Variants in MCU observed in about 807,000 individuals in gnomAD.
MCU encodes mitochondrial calcium uniporter.
MCU carries 12 observed loss-of-function variants against 45.2 expected under a neutral mutation model. The ratio of observed to expected loss-of-function variants is 0.27; its 90% confidence interval spans 0.17 to 0.43. The LOEUF is 0.43. Ranked by LOEUF, MCU falls within the 20% of genes least tolerant of loss-of-function variation. The pLI is 1.00. For missense variants in MCU, 324 were observed against 436.7 expected (o/e 0.74, Z 2.30); for synonymous variants, 160 against 165.1 (o/e 0.97, Z 0.24).
chr10:72,695,252 T>C (rs569801727), intron 1 of MCU, among the ~76,000 whole-genome samples: 2 of 152,372 alleles, frequency 1.3e-5, no homozygotes, highest in South Asian at 4.1e-4. Context: ...AGTCTGTCAT[T>C]GTCCTGTTAC....
chr10:72,869,587 AAAAC>A lies in MCU; in HGVS notation c.657+736_657+739del, dbSNP rs1220795706. On this transcript the variant is annotated intron_variant, in intron 5 of 7. Transcript: ENST00000373053. ...TGGACGACAGAGCGAGACTGTCTCA[AAAAC>A]AAACAAACAAAAAAACAACAACAAC... 1.6e-4 allele frequency among the ~76,000 whole-genome samples: 24 copies of A among 152,330 alleles called. No homozygotes were observed. In the East Asian group the frequency reaches 2.5e-3, roughly 16 times the overall value.
chr10:72,741,896 C>T (rs1352090220), intron 1 of MCU, among the ~76,000 whole-genome samples: 5 of 151,710 alleles, frequency 3.3e-5, no homozygotes, highest in Non-Finnish European at 5.9e-5. Flanking sequence ...GGCATGGTGG[C>T]GGGCGCCTGT....
intron 1 of MCU, among the ~76,000 whole-genome samples, chr10:72,704,592 T>C (rs1342555449): frequency 6.6e-6 from 1 of 152,026 alleles, no homozygotes; most frequent in Non-Finnish European, 1.5e-5. Flanking sequence ...AGGCCGGAGT[T>C]CATGGCACCA....
intron 2 of MCU, among the ~76,000 whole-genome samples, chr10:72,839,675 C>G (rs768091741): frequency 1.3e-5 from 2 of 151,626 alleles, no homozygotes; most frequent in Non-Finnish European, 2.9e-5. Flanking sequence ...TGCTGGTGGC[C>G]GGGCACAGTG....
intron 1 of MCU, among the ~76,000 whole-genome samples, chr10:72,800,076 A>G (rs920702032): frequency 3.3e-5 from 5 of 152,188 alleles, no homozygotes; most frequent in African/African-American, 1.2e-4. Context: ...ACCTCATGTA[A>G]CATGCTGCAG....
chr10:72,839,574 T>C (rs1358664180), intron 2 of MCU, among the ~76,000 whole-genome samples: 2 of 152,064 alleles, frequency 1.3e-5, no homozygotes, highest in Non-Finnish European at 2.9e-5. Context: ...TGCTGGGTAG[T>C]ATTCCGGTAT....
At chr10:72,844,825 A>C (rs1241728583) in intron 2 of MCU, among the ~76,000 whole-genome samples, 1 of 152,216 alleles carries the variant, frequency 6.6e-6, no homozygotes, top group African/African-American at 2.4e-5. Flanking sequence ...ATTTATTGAG[A>C]ATAATAAACT....
intron 1 of MCU, among the ~76,000 whole-genome samples, chr10:72,717,613 G>A (rs1842970719): frequency 6.6e-6 from 1 of 152,060 alleles, no homozygotes; most frequent in Non-Finnish European, 1.5e-5. Context: ...CAGAAAGGTT[G>A]GCTTAGATGG....
intron 1 of MCU, chr10:72,736,358 C>T (rs1479199255): frequency 6.6e-6 from 1 of 152,138 alleles, no homozygotes; most frequent in East Asian, 1.9e-4. Flanking sequence ...ACAGTAAGGC[C>T]CTGACTGCTG....
chr10:72,852,087 C>G (rs1845215555), intron 2 of MCU, among the ~76,000 whole-genome samples: 1 of 152,080 alleles, frequency 6.6e-6, no homozygotes. Context: ...TGTGGTTACT[C>G]TTTTTCACAT....
At chr10:72,856,166 C>T (rs962953702) in intron 2 of MCU, among the ~76,000 whole-genome samples, 18 of 152,036 alleles carry the variant, frequency 1.2e-4, no homozygotes, top group African/African-American at 3.6e-4. Context: ...GGGTCCATAG[C>T]GTGATTTTAT....
chr10:72,847,877 A>G (rs1845145761), intron 2 of MCU, among the ~76,000 whole-genome samples: 1 of 152,204 alleles, frequency 6.6e-6, no homozygotes. Flanking sequence ...CTTTTGGTCA[A>G]GAAGGTACCA....
intron 1 of MCU, among the ~76,000 whole-genome samples, chr10:72,776,041 G>T (rs1843887888): frequency 6.6e-6 from 1 of 151,982 alleles, no homozygotes; most frequent in Non-Finnish European, 1.5e-5. Context: ...GGTGGCATGT[G>T]CCTGTAGCCC....
intron 6 of MCU, among the ~76,000 whole-genome samples, chr10:72,879,107 T>C (rs1208753274): frequency 6.6e-6 from 1 of 151,892 alleles, no homozygotes; most frequent in Admixed American, 6.6e-5. Flanking sequence ...CTACTAAGAA[T>C]ACAAAAATTA....
chr10:72,772,290 A>G (rs971601864), intron 1 of MCU, among the ~76,000 whole-genome samples: 2 of 152,244 alleles, frequency 1.3e-5, no homozygotes, highest in Admixed American at 6.5e-5. Context: ...TGCTGGGATA[A>G]TCCCTTTGGG....
intron 1 of MCU, among the ~76,000 whole-genome samples, chr10:72,808,833 G>A (rs112811271): frequency 0.051 from 7,729 of 152,138 alleles, 657 homozygotes; most frequent in African/African-American, 0.18. Context: ...GCCAGATCTC[G>A]TGAGAACTCA....
At chr10:72,739,697 A>AT (rs748921054) in intron 1 of MCU, among the ~76,000 whole-genome samples, 393 of 141,250 alleles carry the variant, frequency 2.8e-3, no homozygotes, top group Middle Eastern at 7.1e-3. Context: ...GAACATTAAG[A>AT]TTTTTTTTTT....
chr10:72,698,378 A>G lies in MCU; in HGVS notation c.150+6077A>G, dbSNP rs111865142. Among the ~76,000 whole-genome samples the G allele has an allele frequency of 2.9e-3, 447 of 152,302 alleles. 4 individuals are homozygous for G. Among genetic ancestry groups the G allele is most frequent in the African/African-American group, 0.01 (431 of 41,566 alleles). ...AAATGATTTGCTATCAACTGCTAGGATGTTTTTATTTCTTCTTATGTTTTA... is the reference window on the plus strand; with the variant it reads ...AAATGATTTGCTATCAACTGCTAGGGTGTTTTTATTTCTTCTTATGTTTTA... On this transcript the variant is annotated intron_variant, in intron 1 of 7. Transcript: ENST00000373053.
intron 1 of MCU, among the ~76,000 whole-genome samples, chr10:72,797,927 A>G (rs932423646): frequency 2.6e-5 from 4 of 152,168 alleles, no homozygotes; most frequent in Non-Finnish European, 5.9e-5. Context: ...TTAGTTGTGA[A>G]TCATACCTCT....
Sources: gnomAD v4.1 joint callset for allele counts (sites outside exome capture counted in the v4.1 genomes callset) on GRCh38, gnomAD v4.1.1 for gene constraint, MANE v1.5 for transcripts, NCBI Gene and HGNC (gene_info 2026-07-23, HGNC 2026-07-21) for gene names.